The following TBL1XR1 variants were observed in gnomAD, a reference collection of about 807,000 sequenced individuals.
TBL1XR1 encodes TBL1X/Y related 1.
TBL1XR1 carries 5 observed loss-of-function variants against 66.9 expected under a neutral mutation model. The observed-to-expected ratio is 0.07, with a 90% CI of 0.04 to 0.16. The LOEUF is 0.16. TBL1XR1 is among the 10% of genes least tolerant of loss of function. The pLI, the probability that TBL1XR1 is intolerant of heterozygous loss-of-function variation, is 1.00. For missense variants in TBL1XR1, 238 were observed against 623.2 expected (o/e 0.38, Z 6.58); for synonymous variants, 210 against 206.0 (o/e 1.02, Z -0.17).
intron 15 of TBL1XR1, among the ~76,000 whole-genome samples, chr3:177,025,769 T>C: frequency 6.6e-6 from 1 of 152,166 alleles, no homozygotes; most frequent in South Asian, 2.1e-4. Context: ...TTATACTCTC[T>C]GTTGATTAAA....
In TBL1XR1 at chr3:177,024,434, T is replaced by G. The variant is rs542864511; in HGVS notation, c.*1064A>C. 1 of 152,636 alleles carries G rather than the reference T, an allele frequency of 6.6e-6. No homozygotes were observed. Among genetic ancestry groups the G allele is most frequent in the South Asian group, 2.1e-4 (1 of 4,832 alleles). 9.5% of individuals were successfully genotyped at this position (152,636 alleles called of 1,614,324 possible). On this transcript the variant is annotated 3_prime_UTR_variant, in exon 16 of 16. Transcript: ENST00000457928. ...GCTTCTACACAGAATGATGGACACT[T>G]CGAGAAGCTAATCCTTATCCAGAAA...
At chr3:177,172,067 C>G (rs1451844211) in intron 1 of TBL1XR1, among the ~76,000 whole-genome samples, 1 of 151,690 alleles carries the variant, frequency 6.6e-6, no homozygotes, top group Non-Finnish European at 1.5e-5. Flanking sequence ...TGAGACCATC[C>G]TGGCTAACAT....
At chr3:177,189,250 G>T (rs1577437486) in intron 1 of TBL1XR1, among the ~76,000 whole-genome samples, 1 of 152,072 alleles carries the variant, frequency 6.6e-6, no homozygotes, top group East Asian at 1.9e-4. Flanking sequence ...AGGTGTGGTG[G>T]CTCACGCCTA....
chr3:177,112,096 TATATA>T (rs1725681967), intron 1 of TBL1XR1, among the ~76,000 whole-genome samples: 7 of 51,340 alleles, frequency 1.4e-4, no homozygotes, highest in African/African-American at 2.7e-4. Context: ...TATATATATA[TATATA>T]TATATATTTT....
At chr3:177,188,093 G>A (rs899768218) in intron 1 of TBL1XR1, among the ~76,000 whole-genome samples, 2 of 151,586 alleles carry the variant, frequency 1.3e-5, no homozygotes, top group Admixed American at 6.6e-5. Flanking sequence ...CACCACACCC[G>A]GCTAATTTCT....
intron 1 of TBL1XR1, among the ~76,000 whole-genome samples, chr3:177,141,413 G>A (rs1458704773): frequency 6.6e-6 from 1 of 152,166 alleles, no homozygotes; most frequent in Admixed American, 6.5e-5. Context: ...GTATTTACAT[G>A]AATAATATTC....
intron 10 of TBL1XR1, among the ~76,000 whole-genome samples, chr3:177,042,587 CTTATT>C (rs1715737894): frequency 6.6e-6 from 1 of 152,040 alleles, no homozygotes; most frequent in Non-Finnish European, 1.5e-5. Flanking sequence ...CACATACCTC[CTTATT>C]TTATATTTAC....
chr3:177,200,902 G>A (rs1737327168), upstream of TBL1XR1, among the ~76,000 whole-genome samples: 1 of 151,988 alleles, frequency 6.6e-6, no homozygotes. Flanking sequence ...AGCTACTTGG[G>A]AGGCTGAGGC....
chr3:177,195,190 G>A (rs1171113881), intron 1 of TBL1XR1, among the ~76,000 whole-genome samples: 2 of 151,666 alleles, frequency 1.3e-5, no homozygotes, highest in Non-Finnish European at 2.9e-5. Flanking sequence ...GTGCAGGATA[G>A]GGTTGAAAAA....
intron 1 of TBL1XR1, among the ~76,000 whole-genome samples, chr3:177,140,248 C>T (rs1475317482): frequency 6.6e-6 from 1 of 152,080 alleles, no homozygotes; most frequent in East Asian, 1.9e-4. Flanking sequence ...TGCAGTGAGC[C>T]AAGATGGAGC....
At chr3:177,049,307 T>A (rs187179672) in intron 7 of TBL1XR1, among the ~76,000 whole-genome samples, 10 of 152,230 alleles carry the variant, frequency 6.6e-5, no homozygotes, top group Non-Finnish European at 1.5e-4. Flanking sequence ...TGAAATAATC[T>A]AAGAGTTTTG....
chr3:177,176,190 T>C (rs1309317252), intron 1 of TBL1XR1, among the ~76,000 whole-genome samples: 1 of 151,760 alleles, frequency 6.6e-6, no homozygotes, highest in Admixed American at 6.6e-5. Context: ...TGTAACTTGT[T>C]AATTTTCTTG....
At chr3:177,059,388 A>G (rs1317709101) in intron 3 of TBL1XR1, among the ~76,000 whole-genome samples, 1 of 152,234 alleles carries the variant, frequency 6.6e-6, no homozygotes, top group East Asian at 1.9e-4. Flanking sequence ...TATATGTTAC[A>G]TGGTAGTACA....
intron 1 of TBL1XR1, among the ~76,000 whole-genome samples, chr3:177,156,612 T>C (rs1351862595): frequency 1.3e-5 from 2 of 151,548 alleles, no homozygotes; most frequent in African/African-American, 4.8e-5. Flanking sequence ...AAAACACTTG[T>C]GTCTGGAATA....
chr3:177,182,531 CTCAG>C (rs1310893544), intron 1 of TBL1XR1, among the ~76,000 whole-genome samples: 1 of 152,120 alleles, frequency 6.6e-6, no homozygotes, highest in Non-Finnish European at 1.5e-5. Flanking sequence ...AAACGTATAC[CTCAG>C]TCAGAGCCTC....
At chr3:177,048,314 A>C (rs1269237955) in intron 7 of TBL1XR1, among the ~76,000 whole-genome samples, 1 of 152,240 alleles carries the variant, frequency 6.6e-6, no homozygotes, top group Non-Finnish European at 1.5e-5. Flanking sequence ...CAGAAGTTAC[A>C]GATTATAGTA....
Position 177,112,563 on chromosome 3 carries a change from T to C in TBL1XR1, c.-121-14022A>G, listed in dbSNP as rs369392840. Among the ~76,000 whole-genome samples the C allele has an allele frequency of 3.9e-5, 6 of 152,290 alleles. No individual in the cohort carries two copies. In the East Asian group the frequency reaches 1.2e-3, roughly 29 times the overall value. On this transcript the variant is annotated intron_variant, in intron 1 of 15. Transcript: ENST00000457928. ...AGGTGATAAAATGAGTATTAAACTC[T>C]ACATTGCTGGCACACTCAGTATCAT... is the stretch of plus-strand genomic sequence containing the variant.
At chr3:177,025,666 C>T (rs1713006525) in intron 15 of TBL1XR1, 142 bp from the exon 16 acceptor site, 1 of 768,468 alleles carries the variant, frequency 1.3e-6, no homozygotes, top group Non-Finnish European at 2.1e-6. Flanking sequence ...TGGAAATGAG[C>T]ACTTAACTGA....
intron 2 of TBL1XR1, among the ~76,000 whole-genome samples, chr3:177,092,235 C>A (rs6781709): frequency 2.0e-5 from 3 of 152,020 alleles, no homozygotes; most frequent in African/African-American, 7.2e-5. Flanking sequence ...ATACTTAGCA[C>A]CACCTGTGAA....
Sources: gnomAD v4.1 joint callset for allele counts (sites outside exome capture counted in the v4.1 genomes callset) on GRCh38, gnomAD v4.1.1 for gene constraint, MANE v1.5 for transcripts, NCBI Gene and HGNC (gene_info 2026-07-23, HGNC 2026-07-21) for gene names.